The following EBF2 variants were observed in gnomAD, a reference collection of about 807,000 sequenced individuals.
EBF2 encodes EBF transcription factor 2, also known as transcription factor COE2.
Under a neutral mutation model 72.8 loss-of-function variants are expected in EBF2, and 21 were observed. That is an observed-to-expected ratio of 0.29 (90% CI 0.20 to 0.42). The LOEUF is 0.42. Among genes scored for constraint, EBF2 ranks in the 10% least tolerant of loss-of-function variants. EBF2 has a pLI of 1.00. For missense variants in EBF2, 637 were observed against 731.2 expected, an observed-to-expected ratio of 0.87 and a Z score of 1.49; for synonymous variants, 299 against 274.2, an observed-to-expected ratio of 1.09 and a Z score of -0.89.
At chr8:25,947,897 CCTT>C (rs1335190443) in intron 6 of EBF2, among the ~76,000 whole-genome samples, 3 of 152,196 alleles carry the variant, frequency 2.0e-5, no homozygotes, top group Non-Finnish European at 4.4e-5. Context: ...TAAACAATGA[CCTT>C]CTGTTTTGTC....
At chr8:25,949,498 T>A (rs1457471174) in intron 6 of EBF2, among the ~76,000 whole-genome samples, 1 of 152,182 alleles carries the variant, frequency 6.6e-6, no homozygotes, top group African/African-American at 2.4e-5. Context: ...TGCGCCCTGA[T>A]AAAACATCCT....
intron 7 of EBF2, among the ~76,000 whole-genome samples, chr8:25,906,456 T>C (rs1017061313): frequency 6.6e-6 from 1 of 152,202 alleles, no homozygotes; most frequent in African/African-American, 2.4e-5. Context: ...GCTGGTTTTA[T>C]TTCTGTTTTT....
chr8:25,903,324 GT>G (rs1490079150), intron 7 of EBF2, among the ~76,000 whole-genome samples: 1 of 151,610 alleles, frequency 6.6e-6, no homozygotes, highest in Non-Finnish European at 1.5e-5. Flanking sequence ...ATGAGCCACT[GT>G]GCCTAGCACC....
intron 5 of EBF2, 49 bp downstream of exon 5, chr8:26,039,979 G>A: frequency 6.3e-7 from 1 of 1,595,072 alleles, no homozygotes; most frequent in Non-Finnish European, 8.6e-7. Context: ...AGGCGGGGCT[G>A]GAGCACCTGC....
intron 15 of EBF2, among the ~76,000 whole-genome samples, chr8:25,850,061 A>G (rs1443817593): frequency 6.6e-6 from 1 of 152,190 alleles, no homozygotes. Flanking sequence ...GGTTAATTCC[A>G]TTACCTGCAG....
chr8:25,931,523 C>T (rs559688796), intron 6 of EBF2, among the ~76,000 whole-genome samples: 2 of 152,274 alleles, frequency 1.3e-5, no homozygotes, highest in East Asian at 3.9e-4. Flanking sequence ...CTCCAAATTG[C>T]TCCTTTGATG....
chr8:26,014,260 G>A (rs1805073032), intron 6 of EBF2, among the ~76,000 whole-genome samples: 1 of 151,984 alleles, frequency 6.6e-6, no homozygotes, highest in South Asian at 2.1e-4. Context: ...ATTCCCTCCT[G>A]CTTATATTAT....
At chr8:25,920,726 T>C (rs964572396) in intron 6 of EBF2, among the ~76,000 whole-genome samples, 2 of 152,100 alleles carry the variant, frequency 1.3e-5, no homozygotes, top group South Asian at 4.2e-4. Flanking sequence ...TTTCACCTAA[T>C]ATACACATTC....
intron 7 of EBF2, among the ~76,000 whole-genome samples, chr8:25,907,275 C>T (rs1176542007): frequency 6.6e-6 from 1 of 151,316 alleles, no homozygotes. Flanking sequence ...CAAAAATTAG[C>T]AGGGCATGAT....
chr8:25,910,003 G>A (rs1483394945), intron 6 of EBF2, among the ~76,000 whole-genome samples: 1 of 152,096 alleles, frequency 6.6e-6, no homozygotes, highest in Admixed American at 6.6e-5. Context: ...TGCTTCCTGT[G>A]CCCCGGAGGT....
rs57033835 is a variant in EBF2 at position 26,026,779 on chromosome 8, T to C, written c.551+6306A>G. 3.9e-3 allele frequency among the ~76,000 whole-genome samples: 601 copies of C among 152,292 alleles called. 4 individuals are homozygous for C. Among genetic ancestry groups the C allele is most frequent in the African/African-American group, 0.014 (583 of 41,550 alleles). On this transcript the variant is annotated intron_variant, in intron 6 of 15. Coordinates refer to ENST00000520164, the MANE Select transcript of EBF2 (RefSeq NM_022659.4). ...CTCTTAACTCTGCAGTTTTTCTTCC[T>C]ATTACACCAAAATCTTTCTCTCTGT...
At chr8:26,039,487 G>C (rs1306862211) in intron 5 of EBF2, among the ~76,000 whole-genome samples, 1 of 151,884 alleles carries the variant, frequency 6.6e-6, no homozygotes, top group African/African-American at 2.4e-5. Flanking sequence ...AAACTCCCCC[G>C]ACACGAGAAC....
chr8:25,991,774 A>T (rs1804548271), intron 6 of EBF2, among the ~76,000 whole-genome samples: 1 of 152,180 alleles, frequency 6.6e-6, no homozygotes, highest in South Asian at 2.1e-4. Flanking sequence ...TGTACCCAGG[A>T]GGCAGAGGTT....
At chr8:25,934,806 G>A (rs1803546758) in intron 6 of EBF2, among the ~76,000 whole-genome samples, 1 of 152,158 alleles carries the variant, frequency 6.6e-6, no homozygotes, top group African/African-American at 2.4e-5. Flanking sequence ...CATCAGGTCT[G>A]CTTTTTGAAA....
chr8:25,934,191 C>T (rs1803533134), intron 6 of EBF2, among the ~76,000 whole-genome samples: 1 of 148,816 alleles, frequency 6.7e-6, no homozygotes, highest in Non-Finnish European at 1.5e-5. Flanking sequence ...AGGTGAAGGA[C>T]CAGGCTGCTG....
intron 6 of EBF2, among the ~76,000 whole-genome samples, chr8:26,005,920 C>T (rs1178234447): frequency 6.6e-6 from 1 of 151,848 alleles, no homozygotes; most frequent in Non-Finnish European, 1.5e-5. Flanking sequence ...AAAGTAGCCG[C>T]AGTTTAATTT....
chr8:25,881,922 GA>G (rs1336559740), intron 10 of EBF2, among the ~76,000 whole-genome samples: 2 of 152,176 alleles, frequency 1.3e-5, no homozygotes, highest in Non-Finnish European at 2.9e-5. Flanking sequence ...GAGGCCCGGG[GA>G]AAACCATCTC....
chr8:25,893,117 T>C (rs929166785), intron 7 of EBF2, among the ~76,000 whole-genome samples: 6 of 152,124 alleles, frequency 3.9e-5, no homozygotes, highest in Admixed American at 3.9e-4. Context: ...TTGTATTGCC[T>C]ACCCCCCGAA....
intron 11 of EBF2, among the ~76,000 whole-genome samples, chr8:25,861,675 T>C (rs1802216062): frequency 6.6e-6 from 1 of 152,232 alleles, no homozygotes; most frequent in Non-Finnish European, 1.5e-5. Context: ...ATGGAAGTTC[T>C]ATTAAATGCT....
Sources: gnomAD v4.1 joint callset for allele counts (sites outside exome capture counted in the v4.1 genomes callset) on GRCh38, gnomAD v4.1.1 for gene constraint, MANE v1.5 for transcripts, NCBI Gene and HGNC (gene_info 2026-07-23, HGNC 2026-07-21) for gene names.